Variants in COL21A1 observed in about 807,000 individuals in gnomAD.
The protein encoded by COL21A1 is collagen alpha-1(XXI) chain.
COL21A1 carries 149 observed loss-of-function variants against 137.9 expected under a neutral mutation model. That is an observed-to-expected ratio of 1.08 (90% confidence interval 0.95 to 1.24). The LOEUF is 1.24. COL21A1 is among the 50% of genes most tolerant of loss of function. The probability of loss-of-function intolerance (pLI) is 0.00; values close to 1 mark genes in which losing one functional copy is unlikely to be tolerated. For missense variants in COL21A1, 1,167 were observed against 1,158.4 expected (o/e 1.01, Z -0.11); for synonymous variants, 456 against 391.5 (o/e 1.16, Z -1.95).
At chr6:56,346,691 G>A (rs190293160) in intron 1 of COL21A1, among the ~76,000 whole-genome samples, 7 of 152,282 alleles carry the variant, frequency 4.6e-5, no homozygotes, top group African/African-American at 1.7e-4. Flanking sequence ...AAAACAGTGT[G>A]TACTGGCCTA....
chr6:56,094,489 G>C (rs9296828), intron 17 of COL21A1, among the ~76,000 whole-genome samples: 7 of 151,926 alleles, frequency 4.6e-5, no homozygotes, highest in Admixed American at 4.6e-4. Flanking sequence ...ATGTCTACCA[G>C]TAGTCTGTTC....
Position 56,068,685 on chromosome 6 carries a change from G to A in COL21A1, c.2091+361C>T, listed in dbSNP as rs373289954. On this transcript the variant is annotated intron_variant, in intron 22 of 29. Coordinates refer to ENST00000244728, the MANE Select transcript of COL21A1 (RefSeq NM_030820.4). ...AATTTGATCCGGTTTTGGCAAGAGG[G>A]GTATTTGCATTTTGATAGGAATGCC... The A allele has an allele frequency of 1.4e-4, 22 of 161,562 alleles. No homozygotes were observed. In the East Asian group the frequency reaches 2.2e-3, roughly 16 times the overall value. The allele number at this position is 161,562 out of a possible 1,614,324, so 10.0% of individuals were successfully genotyped here. A position where few individuals can be genotyped will look rare whatever the true frequency, so the allele number is the denominator to read the frequency against.
intron 1 of COL21A1, among the ~76,000 whole-genome samples, chr6:56,189,015 C>A (rs1298091858): frequency 6.6e-6 from 1 of 152,084 alleles, no homozygotes; most frequent in Non-Finnish European, 1.5e-5. Flanking sequence ...GGGGAGAAAC[C>A]AGTGCAAAAA....
At chr6:56,376,403 A>G (rs530294362) in intron 1 of COL21A1, among the ~76,000 whole-genome samples, 1 of 152,220 alleles carries the variant, frequency 6.6e-6, no homozygotes, top group South Asian at 2.1e-4. Context: ...AAGAAGCATG[A>G]GTAAGAAATA....
intron 1 of COL21A1, among the ~76,000 whole-genome samples, chr6:56,239,978 G>T (rs1382629774): frequency 6.6e-6 from 1 of 152,080 alleles, no homozygotes; most frequent in Non-Finnish European, 1.5e-5. Context: ...TCATGGGGAT[G>T]ATTTCCCCCA....
At chr6:56,345,918 G>A (rs545563185) in intron 1 of COL21A1, among the ~76,000 whole-genome samples, 15 of 152,204 alleles carry the variant, frequency 9.9e-5, no homozygotes, top group African/African-American at 2.6e-4. Context: ...GTCAACCCTC[G>A]GTGGTTTTAA....
In COL21A1 at chr6:56,184,493, T is replaced by C. The variant is rs1328963819; in HGVS notation, c.-38-1837A>G. On this transcript the variant is annotated intron_variant, in intron 1 of 29. Transcript: ENST00000244728. The stretch of plus-strand genomic sequence containing the variant: ...AATAATGTGAAGTTTTAATATCCAG[T>C]CCTCAGTATTATTTAATTAGAACAG... Among the ~76,000 whole-genome samples the C allele has an allele frequency of 4.6e-5, 7 of 152,222 alleles. No homozygotes were observed. In the East Asian group the frequency reaches 1.3e-3, roughly 29 times the overall value.
chr6:56,130,520 A>G (rs905995761), intron 12 of COL21A1, among the ~76,000 whole-genome samples: 1 of 152,130 alleles, frequency 6.6e-6, no homozygotes, highest in Non-Finnish European at 1.5e-5. Context: ...ATTAAGGCTG[A>G]ACAAAGTCCA....
chr6:56,161,163 A>G (rs540205326), intron 9 of COL21A1, among the ~76,000 whole-genome samples: 2 of 152,372 alleles, frequency 1.3e-5, no homozygotes, highest in South Asian at 4.1e-4. Flanking sequence ...CAAAATTACT[A>G]GGGTGTAACA....
At chr6:56,084,973 G>T (rs1247414619) in intron 17 of COL21A1, among the ~76,000 whole-genome samples, 1 of 152,034 alleles carries the variant, frequency 6.6e-6, no homozygotes, top group Non-Finnish European at 1.5e-5. Flanking sequence ...TAAGTACACT[G>T]TGTTGGACAA....
intron 16 of COL21A1, among the ~76,000 whole-genome samples, chr6:56,115,744 G>C (rs1251683793): frequency 6.6e-6 from 1 of 152,002 alleles, no homozygotes; most frequent in East Asian, 1.9e-4. Context: ...ATTCAAAATA[G>C]GTGTGTTGAG....
rs930707171 is a variant in COL21A1 at position 56,328,658 on chromosome 6, G to A, written c.-39+65313C>T. Among the ~76,000 whole-genome samples, 24 of 152,050 alleles carry A rather than the reference G, an allele frequency of 1.6e-4. 1 individual carries two copies. The highest frequency in any genetic ancestry group is 1.5e-5 in the Non-Finnish European group (1 of 67,980). ...CAGAAACAAAACTTCTTTCTAATTT[G>A]ATGAAAGCTATACATTCACAAACAT... On this transcript the variant is annotated intron_variant, in intron 1 of 28. Transcript: ENST00000370819.
intron 17 of COL21A1, among the ~76,000 whole-genome samples, chr6:56,100,495 T>C (rs1476420317): frequency 6.6e-6 from 1 of 152,182 alleles, no homozygotes; most frequent in Non-Finnish European, 1.5e-5. Flanking sequence ...AAGTGACTTC[T>C]CCAAGCTCAT....
At chr6:56,326,754 ATAACT>A (rs1401947641) in intron 1 of COL21A1, among the ~76,000 whole-genome samples, 1 of 152,056 alleles carries the variant, frequency 6.6e-6, no homozygotes, top group African/African-American at 2.4e-5. Flanking sequence ...CTTTAATAAA[ATAACT>A]TAATTCAATA....
At chr6:56,360,517 G>T (rs1765940955) in intron 1 of COL21A1, among the ~76,000 whole-genome samples, 1 of 152,150 alleles carries the variant, frequency 6.6e-6, no homozygotes, top group Non-Finnish European at 1.5e-5. Flanking sequence ...AATGGAAGGG[G>T]ATGGAATAAT....
chr6:56,251,046 A>G (rs1360503568), upstream of COL21A1, among the ~76,000 whole-genome samples: 2 of 152,230 alleles, frequency 1.3e-5, no homozygotes, highest in South Asian at 2.1e-4. Context: ...CAAGGGATCA[A>G]AAAAGCCCTT....
intron 23 of COL21A1, among the ~76,000 whole-genome samples, chr6:56,064,835 A>G (rs1335819064): frequency 6.6e-6 from 1 of 152,116 alleles, no homozygotes; most frequent in Admixed American, 6.6e-5. Flanking sequence ...GTGGACAGAG[A>G]TAAGGAACAA....
At chr6:56,171,526 C>A (rs1038350818) in intron 3 of COL21A1, among the ~76,000 whole-genome samples, 1 of 151,926 alleles carries the variant, frequency 6.6e-6, no homozygotes, top group Non-Finnish European at 1.5e-5. Context: ...AGTCATACAA[C>A]TTTGGATAAT....
intron 17 of COL21A1, among the ~76,000 whole-genome samples, chr6:56,090,749 C>A (rs889482424): frequency 5.3e-5 from 8 of 151,674 alleles, no homozygotes; most frequent in African/African-American, 1.5e-4. Context: ...TACATTATTA[C>A]AATAATAAAT....
Sources: gnomAD v4.1 joint callset for allele counts (sites outside exome capture counted in the v4.1 genomes callset) on GRCh38, gnomAD v4.1.1 for gene constraint, MANE v1.5 for transcripts, NCBI Gene and HGNC (gene_info 2026-07-23, HGNC 2026-07-21) for gene names.